Variants in GNG2 observed in about 807,000 individuals in gnomAD.
The protein encoded by GNG2 is guanine nucleotide-binding protein G(I)/G(S)/G(O) subunit gamma-2.
GNG2 carries 5 observed loss-of-function variants against 5.5 expected under a neutral mutation model. The observed-to-expected ratio is 0.91, with a 90% confidence interval of 0.48 to 1.92. The LOEUF is 1.92. GNG2 is among the 30% of genes most tolerant of loss of function. GNG2 has a pLI of 0.01. For synonymous variants in GNG2, 28 were observed against 32.0 expected (o/e 0.88, Z 0.42); for missense variants, 55 against 88.4 (o/e 0.62, Z 1.52).
At chr14:51,918,611 AACTT>A (rs950797975) in intron 2 of GNG2, 2 of 151,338 alleles carry the variant, frequency 1.3e-5, no homozygotes, top group African/African-American at 2.4e-5. Context: ...AAAATAAACT[AACTT>A]ATATAACACA....
chr14:51,885,631 A>G (rs1202851953), intron 2 of GNG2, among the ~76,000 whole-genome samples: 3 of 152,174 alleles, frequency 2.0e-5, no homozygotes, highest in Admixed American at 6.5e-5. Flanking sequence ...AAACAAAAAA[A>G]CAAAATGTCA....
intron 2 of GNG2, among the ~76,000 whole-genome samples, chr14:51,904,088 C>T (rs1219335073): frequency 6.6e-6 from 1 of 152,160 alleles, no homozygotes; most frequent in Non-Finnish European, 1.5e-5. Flanking sequence ...ACACTCAAAT[C>T]ACACCACAGA....
At chr14:51,928,026 CTTTTTTT>C (rs35561589) in intron 2 of GNG2, among the ~76,000 whole-genome samples, 1 of 103,054 alleles carries the variant, frequency 9.7e-6, no homozygotes, top group Non-Finnish European at 1.9e-5. Context: ...CTCTCTCTCT[CTTTTTTT>C]TTTTTTTTTT....
At chr14:51,829,395 A>G (rs1881120380) in intron 2 of GNG2, among the ~76,000 whole-genome samples, 2 of 151,666 alleles carry the variant, frequency 1.3e-5, no homozygotes, top group African/African-American at 4.8e-5. Flanking sequence ...CCAAACACTT[A>G]CTCCCTCCTT....
chr14:51,835,981 A>G (rs1474523242), intron 2 of GNG2, among the ~76,000 whole-genome samples: 1 of 151,768 alleles, frequency 6.6e-6, no homozygotes, highest in Non-Finnish European at 1.5e-5. Context: ...ACAGAACACT[A>G]TAGACTGGGT....
intron 2 of GNG2, among the ~76,000 whole-genome samples, chr14:51,906,164 G>A (rs1885901266): frequency 6.6e-6 from 1 of 152,234 alleles, no homozygotes; most frequent in Non-Finnish European, 1.5e-5. Context: ...AATGAGGCAA[G>A]AATTTTTACT....
intron 2 of GNG2, among the ~76,000 whole-genome samples, chr14:51,911,017 G>A (rs1259418432): frequency 6.6e-6 from 1 of 152,132 alleles, no homozygotes; most frequent in Non-Finnish European, 1.5e-5. Flanking sequence ...CGTCAGTTTT[G>A]AGCCATTATT....
intron 3 of GNG2, among the ~76,000 whole-genome samples, chr14:51,957,322 C>G (rs1240712163): frequency 6.6e-6 from 1 of 152,162 alleles, no homozygotes; most frequent in Non-Finnish European, 1.5e-5. Flanking sequence ...AATCCCTCCA[C>G]TTCCCCTTCT....
chr14:51,854,496 T>TA (rs1161957171), intron 2 of GNG2, among the ~76,000 whole-genome samples: 1 of 151,864 alleles, frequency 6.6e-6, no homozygotes, highest in Non-Finnish European at 1.5e-5. Flanking sequence ...GGCTCTTTTT[T>TA]AAATTTTTTC....
intron 2 of GNG2, among the ~76,000 whole-genome samples, chr14:51,842,650 A>G (rs1003335687): frequency 2.0e-5 from 3 of 150,476 alleles, no homozygotes; most frequent in Admixed American, 2.0e-4. Context: ...TTTTCAGAGT[A>G]CAGTTATTTG....
rs1369433954 is a variant in GNG2, at chr14:51,969,127, C to T, written c.*2440C>T. The T allele has an allele frequency of 6.6e-6, 1 of 152,100 alleles. No homozygotes were observed. The highest frequency in any genetic ancestry group is 1.5e-5 in the Non-Finnish European group (1 of 67,998). 9.4% of individuals were successfully genotyped at this position (152,100 alleles called of 1,614,324 possible). A position where few individuals can be genotyped will look rare whatever the true frequency, so the allele number is the denominator to read the frequency against. On this transcript the variant is annotated 3_prime_UTR_variant, in exon 4 of 4. Transcript: ENST00000556766. ...GAAATTCAACAGTCATTTTCACCAG[C>T]ATAATTTTATCTTAAGGAATAACTA...
chr14:51,915,337 G>A (rs1253359419), intron 2 of GNG2, among the ~76,000 whole-genome samples: 1 of 152,212 alleles, frequency 6.6e-6, no homozygotes, highest in Non-Finnish European at 1.5e-5. Context: ...ATGAGGGAGA[G>A]GATGCATTTC....
intron 1 of GNG2, among the ~76,000 whole-genome samples, chr14:51,865,306 T>C (rs1023900469): frequency 6.6e-6 from 1 of 152,122 alleles, no homozygotes; most frequent in Non-Finnish European, 1.5e-5. Context: ...CAGAGCTGTG[T>C]CGAGATTTAG....
intron 2 of GNG2, among the ~76,000 whole-genome samples, chr14:51,880,290 T>C (rs1474840657): frequency 1.3e-5 from 2 of 152,230 alleles, no homozygotes; most frequent in African/African-American, 4.8e-5. Flanking sequence ...GTTTTTATTT[T>C]ATGCTGTTAT....
chr14:51,942,275 AT>A (rs987235332), intron 2 of GNG2, among the ~76,000 whole-genome samples: 3 of 152,184 alleles, frequency 2.0e-5, no homozygotes, highest in Admixed American at 6.5e-5. Flanking sequence ...CTTTGTGGCT[AT>A]TTTTTTAGGT....
intron 2 of GNG2, among the ~76,000 whole-genome samples, chr14:51,949,969 G>A (rs913277447): frequency 6.6e-6 from 1 of 152,074 alleles, no homozygotes; most frequent in Non-Finnish European, 1.5e-5. Context: ...TCAAACCCTG[G>A]CCTCAAGGGA....
In GNG2 at chr14:51,850,922, C is replaced by T. The variant is rs566548075; in HGVS notation, c.64+23115C>T. Among the ~76,000 whole-genome samples the T allele has an allele frequency of 2.0e-4, 30 of 152,288 alleles. No homozygotes were observed. The East Asian group carries it at 5.6e-3, about 28-fold the overall frequency. ...GGGGGATCCACCCCCATGATCAAAA[C>T]ACCTCCCACCAGGCCCCACCTCCAA... On this transcript the variant is annotated intron_variant, in intron 2 of 3. Coordinates refer to the GNG2 transcript ENST00000553432.
intron 1 of GNG2, among the ~76,000 whole-genome samples, chr14:51,877,151 G>T (rs1263539307): frequency 6.6e-6 from 1 of 152,134 alleles, no homozygotes; most frequent in Non-Finnish European, 1.5e-5. Context: ...CTCCTAAAGG[G>T]CCAGATACAC....
intron 3 of GNG2, among the ~76,000 whole-genome samples, chr14:51,959,346 G>A (rs1256790292): frequency 6.6e-6 from 1 of 152,036 alleles, no homozygotes; most frequent in African/African-American, 2.4e-5. Flanking sequence ...ACCCCCAAAA[G>A]TCTGTTGCCA....
Sources: gnomAD v4.1 joint callset for allele counts (sites outside exome capture counted in the v4.1 genomes callset) on GRCh38, gnomAD v4.1.1 for gene constraint, MANE v1.5 for transcripts, NCBI Gene and HGNC (gene_info 2026-07-23, HGNC 2026-07-21) for gene names.